The following DGKQ variants were observed in gnomAD, a reference collection of about 807,000 sequenced individuals.
DGKQ encodes DAG kinase theta.
DGKQ carries 97 observed loss-of-function variants against 104.2 expected under a neutral mutation model. The observed-to-expected ratio is 0.93, with a 90% CI of 0.79 to 1.10. The LOEUF is 1.10. Among genes scored for constraint, DGKQ ranks in the 50% least tolerant of loss-of-function variants. DGKQ has a pLI of 0.00. For missense variants in DGKQ, 1,465 were observed against 1,352.1 expected, an observed-to-expected ratio of 1.08 and a Z score of -1.31; for synonymous variants, 736 against 595.2, an observed-to-expected ratio of 1.24 and a Z score of -3.44.
intron 19 of DGKQ, 71 bp downstream of exon 19, chr4:961,911 C>G: frequency 1.2e-6 from 2 of 1,608,168 alleles, no homozygotes; most frequent in Non-Finnish European, 1.7e-6. Context: ...TCCGGCCCCT[C>G]TGCCTGTTCC....
chr4:963,072 G>A, intron 16 of DGKQ, 67 bp downstream of exon 16: 1 of 1,520,600 alleles, frequency 6.6e-7, no homozygotes, highest in Admixed American at 2.0e-5. Flanking sequence ...CGAGACAGCT[G>A]TGGCAGCCTC....
intron 19 of DGKQ, 37 bp from the exon 20 acceptor site, chr4:961,871 G>C: frequency 6.3e-7 from 1 of 1,593,796 alleles, no homozygotes; most frequent in Non-Finnish European, 8.5e-7. Context: ...ACCAGGGGAA[G>C]CCCTACCCCG....
chr4:965,639 C>T (rs1712251151), intron 13 of DGKQ, 110 bp from the exon 14 acceptor site: 2 of 1,282,192 alleles, frequency 1.6e-6, no homozygotes, highest in African/African-American at 1.5e-5. Context: ...CCAAAGGCAG[C>T]CTCCCCAGGA....
chr4:964,462 G>T (rs1712137350), intron 15 of DGKQ, among the ~76,000 whole-genome samples: 1 of 151,784 alleles, frequency 6.6e-6, no homozygotes, highest in Non-Finnish European at 1.5e-5. Flanking sequence ...GGAGTCCCAG[G>T]CTCCAGCCCC....
In DGKQ at chr4:970,871, C is replaced by T. The variant is rs1712874821; in HGVS notation, c.351+122G>A. 1.5e-5 allele frequency: 10 copies of T among 687,732 alleles called. No individual in the cohort carries two copies. In the South Asian group the frequency reaches 1.6e-4, roughly 11 times the overall value. 42.6% of individuals were successfully genotyped at this position (687,732 alleles called of 1,614,324 possible). A position where few individuals can be genotyped will look rare whatever the true frequency, so the allele number is the denominator to read the frequency against. The stretch of plus-strand genomic sequence containing the variant: ...CCTTTTAATCCCGAGCAGTATCTGC[C>T]CTTTGCCTTTCAACTGCAGGTATCA... On this transcript the variant is annotated intron_variant, in intron 2 of 22. Coordinates refer to ENST00000273814, the MANE Select transcript of DGKQ (RefSeq NM_001347.4).
chr4:962,398 G>A lies in DGKQ; in HGVS notation c.2214+37C>T, dbSNP rs1195684492. 2.0e-6 allele frequency: 3 copies of A among 1,521,866 alleles called. No homozygotes were observed. The African/African-American group carries it at 4.1e-5, about 21-fold the overall frequency. The allele number at this position is 1,521,866 out of a possible 1,614,324, so 94.3% of individuals were successfully genotyped here. A position where few individuals can be genotyped will look rare whatever the true frequency, so the allele number is the denominator to read the frequency against. On this transcript the variant is annotated intron_variant, in intron 18 of 22. Coordinates refer to ENST00000273814, the MANE Select transcript of DGKQ (RefSeq NM_001347.4). ...ACGCGTGTAGCGGGGTCATATGCAG[G>A]AGCCTGGAAGGCACCCCACGCCGGG...
In DGKQ at chr4:966,450, G is replaced by A. The variant is rs1447147404; in HGVS notation, c.1428+16C>T. 7 of 1,611,498 alleles carry A rather than the reference G, an allele frequency of 4.3e-6. No individual in the cohort carries two copies. The highest frequency in any genetic ancestry group is 1.7e-4 in the Middle Eastern group (1 of 6,030). On this transcript the variant is annotated intron_variant, in intron 12 of 22. Coordinates refer to ENST00000273814, the MANE Select transcript of DGKQ (RefSeq NM_001347.4). ...GGCTGCTGGTTCCCTGGGGGCCGGCGTCCACACCCACTCACCTGCCGGATG... is the reference window on the plus strand; with the variant it reads ...GGCTGCTGGTTCCCTGGGGGCCGGCATCCACACCCACTCACCTGCCGGATG...
chr4:960,974 G>A, intron 22 of DGKQ, 75 bp downstream of exon 22: 1 of 1,577,666 alleles, frequency 6.3e-7, no homozygotes, highest in Non-Finnish European at 8.6e-7. Flanking sequence ...AGCACCACCT[G>A]GGTACCACTG....
chr4:960,802 C>T, intron 22 of DGKQ, 81 bp from the exon 23 acceptor site: 1 of 1,552,784 alleles, frequency 6.4e-7, no homozygotes, highest in Non-Finnish European at 8.7e-7. Context: ...GGTCCTGGGG[C>T]CCCGGGCAGC....
intron 15 of DGKQ, among the ~76,000 whole-genome samples, chr4:964,375 G>C (rs560051034): frequency 6.6e-6 from 1 of 152,324 alleles, no homozygotes; most frequent in African/African-American, 2.4e-5. Flanking sequence ...TGGACACCTG[G>C]GGGGTCCTCA....
intron 2 of DGKQ, among the ~76,000 whole-genome samples, chr4:969,460 G>A (rs902222199): frequency 1.3e-5 from 2 of 152,232 alleles, no homozygotes; most frequent in East Asian, 3.8e-4. Context: ...AGAAGGGAAG[G>A]AGAAGGACCA....
Position 968,020 on chromosome 4 carries a change from G to A in DGKQ, c.671C>T (p.Ser224Phe), listed in dbSNP as rs1302195596. 9 of 1,434,374 alleles carry A rather than the reference G, an allele frequency of 6.3e-6. No homozygotes were observed. Among genetic ancestry groups the A allele is most frequent in the Non-Finnish European group, 7.3e-6 (8 of 1,103,064 alleles). 88.9% of individuals were successfully genotyped at this position (1,434,374 alleles called of 1,614,324 possible). ...GGGAGCCAGCGCCGCGGAGCAGAGG[G>A]AGTGCGCCTGGGGGGAGAAGGGCCT... Reference protein sequence around the residue: ...RCEWCGVQAHSLCSAALAPEC... With the variant: ...RCEWCGVQAHFLCSAALAPEC... Residue 224 changes from serine (S) to phenylalanine (F), a missense_variant, in exon 6 of 23, where the codon TCC (serine) becomes TTC (phenylalanine). Transcript: ENST00000273814.
At position 966,800 on chromosome 4, in the gene DGKQ, G is replaced by T; in HGVS notation, c.1314C>A (p.Ala438=). 1 of 1,609,042 alleles carries T rather than the reference G, an allele frequency of 6.2e-7. No individual in the cohort carries two copies. Among genetic ancestry groups the T allele is most frequent in the Non-Finnish European group, 8.5e-7 (1 of 1,178,306 alleles). The change falls in exon 11 of 23, where the codon GCC becomes GCA. Residue 438 remains alanine (A), a splice_region_variant and synonymous_variant. Transcript: ENST00000273814. ...LEVLPLLGRQ[A]ESPESFQLVE... ...CCAGCTGGAAGCTCTCGGGACTCTC[G>T]GCCTGTTGGGGTAGAGCTTGGCATC...
chr4:961,086 G>A lies in DGKQ; in HGVS notation c.2690C>T (p.Ala897Val). 6.2e-7 allele frequency: 1 copy of A among 1,612,268 alleles called. No individual in the cohort carries two copies. Among genetic ancestry groups the A allele is most frequent in the Non-Finnish European group, 8.5e-7 (1 of 1,179,614 alleles). The change falls in exon 22 of 23, where the codon GCC becomes GTC. Residue 897 changes from alanine (A) to valine (V), a missense_variant. Ala to Val is a moderately conservative substitution (Grantham distance 64). Coordinates refer to ENST00000273814, the MANE Select transcript of DGKQ (RefSeq NM_001347.4). ...VQVDGEPWVQ[A>V]PGHMIISAAG... ...AGCTGAGATGATCATGTGCCCCGGGGCCTGGACCCAGGGCTCCCCGTCCAC... is the reference window on the plus strand; with the variant it reads ...AGCTGAGATGATCATGTGCCCCGGGACCTGGACCCAGGGCTCCCCGTCCAC...
At position 973,431 on chromosome 4, in the gene DGKQ, G is replaced by T; in HGVS notation, c.52C>A (p.Pro18Thr). ...CTGCAGGCCGGGCTGCCGGGGCGCG[G>T]GGAGCCGCCGCCCAGCCAGGCGCGG... Reference protein sequence around the residue: ...GARAWLGGGSPRPGSPACSPV... With the variant: ...GARAWLGGGSTRPGSPACSPV... The change falls in exon 1 of 23, where the codon CCG (proline) becomes ACG (threonine). Residue 18 changes from proline (P) to threonine (T), a missense_variant. Pro to Thr is a conservative substitution (Grantham distance 38). Coordinates refer to ENST00000273814, the MANE Select transcript of DGKQ (RefSeq NM_001347.4). 1.0e-6 allele frequency: 1 copy of T among 989,590 alleles called. No homozygotes were observed. Among genetic ancestry groups the T allele is most frequent in the South Asian group, 4.6e-5 (1 of 21,668 alleles). The allele number at this position is 989,590 out of a possible 1,614,324, so 61.3% of individuals were successfully genotyped here. A position where few individuals can be genotyped will look rare whatever the true frequency, so the allele number is the denominator to read the frequency against.
rs370905438 is a variant in DGKQ, at chr4:960,664, C to T, written c.2785G>A (p.Ala929Thr). The T allele has an allele frequency of 3.1e-6, 5 of 1,612,188 alleles. No homozygotes were observed. The highest frequency in any genetic ancestry group is 2.7e-5 in the African/African-American group (2 of 74,900). ...KPRRAGTTRD[A>T]RADAAPAPES... is the part of the protein sequence containing the mutation. Reference sequence around the variant, plus strand: ...GGGGCAGGCGCAGCATCCGCCCGGGCATCCCTGGTGGTCCCGGCCCTCCTC... The same window carrying T: ...GGGGCAGGCGCAGCATCCGCCCGGGTATCCCTGGTGGTCCCGGCCCTCCTC... The change falls in exon 23 of 23, where the codon GCC becomes ACC. Residue 929 changes from alanine to threonine, a missense_variant. Physicochemically the swap from Ala to Thr is moderately conservative, Grantham distance 58. Transcript: ENST00000273814.
Position 960,324 on chromosome 4 carries a change from C to A in DGKQ, c.*296G>T. On this transcript the variant is annotated 3_prime_UTR_variant, in exon 23 of 23. Coordinates refer to ENST00000273814, the MANE Select transcript of DGKQ (RefSeq NM_001347.4). ...GCCCACCCCTGAGGAGAGGACCAGG[C>A]CCCCACAGGGCAGAGGGCTCACCAT... is the stretch of plus-strand genomic sequence containing the variant. 6.3e-6 allele frequency: 3 copies of A among 479,786 alleles called. No homozygotes were observed. The highest frequency in any genetic ancestry group is 1.1e-5 in the Non-Finnish European group (3 of 262,888). 29.7% of individuals were successfully genotyped at this position (479,786 alleles called of 1,614,324 possible).
intron 2 of DGKQ, 57 bp from the exon 3 acceptor site, chr4:968,967 C>T (rs1712708005): frequency 1.8e-6 from 2 of 1,141,206 alleles, no homozygotes; most frequent in Non-Finnish European, 2.5e-6. Flanking sequence ...TGCCCGCCAC[C>T]CCTCCTCGCT....
chr4:967,466 T>TGGGGGAGCCAGGTC, intron 8 of DGKQ, 83 bp downstream of exon 8: 1 of 1,373,390 alleles, frequency 7.3e-7, no homozygotes, highest in Non-Finnish European at 9.9e-7. Flanking sequence ...GGCGCCAGGT[T>TGGGGGAGCCAGGTC]GGGGGAGCCA....
Sources: gnomAD v4.1 joint callset for allele counts (sites outside exome capture counted in the v4.1 genomes callset) on GRCh38, gnomAD v4.1.1 for gene constraint, MANE v1.5 for transcripts, NCBI Gene and HGNC (gene_info 2026-07-23, HGNC 2026-07-21) for gene names.